The following EYS variants were observed in gnomAD, a reference collection of about 807,000 sequenced individuals.
The protein encoded by EYS is protein eyes shut homolog.
A neutral mutation model predicts 282.1 loss-of-function variants in EYS; 250 were observed. The observed-to-expected ratio is 0.89, with a 90% CI of 0.80 to 0.98. The LOEUF (loss-of-function observed/expected upper bound fraction) is 0.98, where lower values mean the gene tolerates loss of function less well. Among genes scored for constraint, EYS ranks in the 50% least tolerant of loss-of-function variants. EYS has a pLI of 0.00. For missense variants in EYS, 4,016 were observed against 3,709.0 expected (o/e 1.08, Z -2.15); for synonymous variants, 1,355 against 1,282.9 (o/e 1.06, Z -1.20).
intron 35 of EYS, among the ~76,000 whole-genome samples, chr6:63,936,482 C>G (rs572568811): frequency 6.7e-6 from 1 of 148,984 alleles, no homozygotes; most frequent in Non-Finnish European, 1.5e-5. Flanking sequence ...TCCCCTAAAG[C>G]CCCCAGCTTA....
intron 15 of EYS, among the ~76,000 whole-genome samples, chr6:64,919,854 C>T (rs1768282190): frequency 6.6e-6 from 1 of 151,984 alleles, no homozygotes; most frequent in African/African-American, 2.4e-5. Context: ...CAGAATATTC[C>T]TCGTTTCATA....
intron 22 of EYS, among the ~76,000 whole-genome samples, chr6:64,803,446 GA>G (rs1426311590): frequency 6.6e-6 from 1 of 152,064 alleles, no homozygotes; most frequent in Admixed American, 6.5e-5. Context: ...GTTGGGTCTG[GA>G]AAAAGCACCA....
intron 1 of EYS, among the ~76,000 whole-genome samples, chr6:65,689,705 T>C (rs368094231): frequency 6.7e-6 from 1 of 150,276 alleles, no homozygotes; most frequent in African/African-American, 2.4e-5. Flanking sequence ...CTTTTTTATA[T>C]ATACTTTAAG....
intron 13 of EYS, among the ~76,000 whole-genome samples, chr6:65,026,450 C>T (rs552232107): frequency 1.3e-5 from 2 of 152,022 alleles, no homozygotes; most frequent in South Asian, 2.1e-4. Flanking sequence ...AGGGGTATGA[C>T]CAGAAATAAA....
chr6:64,676,826 C>A (rs752514702), intron 22 of EYS, among the ~76,000 whole-genome samples: 27 of 152,056 alleles, frequency 1.8e-4, no homozygotes, highest in Non-Finnish European at 3.4e-4. Flanking sequence ...TTTCATAGCA[C>A]GAATTCCTTT....
chr6:64,967,806 T>C (rs549758196), intron 14 of EYS, among the ~76,000 whole-genome samples: 1 of 152,328 alleles, frequency 6.6e-6, no homozygotes, highest in East Asian at 1.9e-4. Context: ...CCTTCTGCAA[T>C]GTATAAAAAT....
chr6:64,644,320 AT>A (rs5876911), intron 22 of EYS, among the ~76,000 whole-genome samples: 27 of 151,960 alleles, frequency 1.8e-4, no homozygotes, highest in African/African-American at 6.3e-4. Flanking sequence ...GGCAGAGTTA[AT>A]TTTTTTACTT....
At chr6:64,415,994 T>C (rs773159034) in intron 28 of EYS, among the ~76,000 whole-genome samples, 1 of 152,198 alleles carries the variant, frequency 6.6e-6, no homozygotes, top group Non-Finnish European at 1.5e-5. Flanking sequence ...CTGAGCTTAA[T>C]GTATAAAAGG....
intron 33 of EYS, among the ~76,000 whole-genome samples, chr6:64,015,355 C>T (rs949659064): frequency 1.3e-5 from 2 of 152,008 alleles, no homozygotes; most frequent in Non-Finnish European, 2.9e-5. Flanking sequence ...ATATAAATAG[C>T]AAACTAAATA....
intron 37 of EYS, among the ~76,000 whole-genome samples, chr6:63,805,093 A>G (rs930146764): frequency 2.0e-5 from 3 of 152,162 alleles, no homozygotes; most frequent in Non-Finnish European, 4.4e-5. Context: ...AAAAAACAGA[A>G]TATGTTATTT....
intron 28 of EYS, among the ~76,000 whole-genome samples, chr6:64,403,815 C>T (rs1201188172): frequency 6.6e-6 from 1 of 152,148 alleles, no homozygotes; most frequent in Admixed American, 6.5e-5. Flanking sequence ...TAAAGCAAGA[C>T]TGCTTATGTA....
intron 2 of EYS, among the ~76,000 whole-genome samples, chr6:65,628,915 T>A (rs762240741): frequency 1.3e-5 from 2 of 152,240 alleles, no homozygotes; most frequent in Non-Finnish European, 2.9e-5. Flanking sequence ...ATGGTTTTCA[T>A]GCAAAAATAT....
At chr6:65,173,593 C>T (rs932066445) in intron 12 of EYS, among the ~76,000 whole-genome samples, 1 of 150,922 alleles carries the variant, frequency 6.6e-6, no homozygotes, top group South Asian at 2.1e-4. Context: ...GATTATATAA[C>T]AATTTTTCAT....
chr6:64,989,301 T>C (rs1770968071), intron 14 of EYS, among the ~76,000 whole-genome samples: 1 of 148,134 alleles, frequency 6.8e-6, no homozygotes, highest in Non-Finnish European at 1.5e-5. Context: ...TTAACCCTAC[T>C]GTAGTCAAGA....
intron 2 of EYS, among the ~76,000 whole-genome samples, chr6:65,552,666 C>G (rs1368614951): frequency 2.6e-5 from 4 of 151,856 alleles, no homozygotes; most frequent in Non-Finnish European, 5.9e-5. Flanking sequence ...TTATTTAATG[C>G]CCAGGAACAA....
chr6:64,406,288 T>C (rs1773704586), intron 28 of EYS, among the ~76,000 whole-genome samples: 1 of 152,198 alleles, frequency 6.6e-6, no homozygotes, highest in African/African-American at 2.4e-5. Context: ...GATCCCTTCC[T>C]TACATCTTAT....
intron 24 of EYS, among the ~76,000 whole-genome samples, chr6:64,597,729 G>A (rs1234485194): frequency 6.8e-6 from 1 of 147,702 alleles, no homozygotes; most frequent in Non-Finnish European, 1.5e-5. Flanking sequence ...GACATGGGGG[G>A]GTAAATAATG....
rs78104666 is a variant in EYS at position 65,476,278 on chromosome 6, G to A, written c.862+14316C>T. On this transcript the variant is annotated intron_variant, in intron 5 of 42. Coordinates refer to ENST00000503581, the MANE Select transcript of EYS (RefSeq NM_001142800.2). ...AAAGCTCTAATTTCAATTATACCCTGCTATCAGAGTTGGTCTACCATAGAT... is the reference window on the plus strand; with the variant it reads ...AAAGCTCTAATTTCAATTATACCCTACTATCAGAGTTGGTCTACCATAGAT... 8.9e-4 allele frequency among the ~76,000 whole-genome samples: 135 copies of A among 152,170 alleles called. 2 individuals carry two copies. Among genetic ancestry groups the A allele is most frequent in the African/African-American group, 2.6e-3 (109 of 41,544 alleles).
At chr6:65,214,158 CAAAAAAAAAAAA>C (rs58213904) in intron 12 of EYS, among the ~76,000 whole-genome samples, 2 of 29,242 alleles carry the variant, frequency 6.8e-5, no homozygotes, top group African/African-American at 3.0e-4. Context: ...GACTCCGTCT[CAAAAAAAAAAAA>C]AAAAAAAAAA....
Sources: gnomAD v4.1 joint callset for allele counts (sites outside exome capture counted in the v4.1 genomes callset) on GRCh38, gnomAD v4.1.1 for gene constraint, MANE v1.5 for transcripts, NCBI Gene and HGNC (gene_info 2026-07-23, HGNC 2026-07-21) for gene names.